ZDHHC11: variants seen among roughly 807,000 people sequenced by gnomAD.
The protein encoded by ZDHHC11 is palmitoyltransferase ZDHHC11.
In ZDHHC11, 44 loss-of-function variants were observed where a neutral mutation model predicts 51.3. The ratio of observed to expected loss-of-function variants is 0.86; its 90% CI spans 0.67 to 1.10. ZDHHC11 has a LOEUF of 1.10. Ranked by LOEUF, ZDHHC11 falls within the 50% of genes least tolerant of loss-of-function variation. The pLI is 0.00. For missense variants in ZDHHC11, 400 were observed against 537.7 expected (o/e 0.74, Z 2.53); for synonymous variants, 163 against 222.0 (o/e 0.73, Z 2.36).
intron 10 of ZDHHC11, chr5:816,816 G>C (rs1740859675): frequency 2.1e-6 from 1 of 476,662 alleles, no homozygotes; most frequent in Non-Finnish European, 4.1e-6. Context: ...GTCTTAAAAG[G>C]TTTGATGGCA....
At chr5:856,576 C>T (rs1748282476) in intron 1 of ZDHHC11, among the ~76,000 whole-genome samples, 1 of 151,032 alleles carries the variant, frequency 6.6e-6, no homozygotes, top group Admixed American at 6.6e-5. Context: ...CACCACACAC[C>T]ACACAAACCA....
chr5:841,704 G>A (rs1745001593), intron 4 of ZDHHC11: 1 of 992,132 alleles, frequency 1.0e-6, no homozygotes, highest in Non-Finnish European at 1.2e-6. Context: ...TCTAAGATAT[G>A]GTCCTCTGTG....
At chr5:834,247 A>G (rs1275452869) in intron 6 of ZDHHC11, among the ~76,000 whole-genome samples, 1 of 152,288 alleles carries the variant, frequency 6.6e-6, no homozygotes, top group Non-Finnish European at 1.5e-5. Context: ...AATGATGTTG[A>G]GCATTTTTTT....
chr5:825,193 CT>C lies in ZDHHC11; in HGVS notation c.993del (p.Val332Ter). The C allele has an allele frequency of 6.2e-7, 1 of 1,612,904 alleles. No homozygotes were observed. Among genetic ancestry groups the C allele is most frequent in the Non-Finnish European group, 8.5e-7 (1 of 1,179,214 alleles). On this transcript the variant is annotated frameshift_variant, in exon 8 of 13. Transcript: ENST00000283441. LOFTEE classifies it high-confidence loss of function. ...GCCGTCGAATCCCCATCCTGGTTTA[CT>C]GAAGTGCAGAAGTGACATAAGTGCT... ...IHKHLCHFCT[S>X]VNQDGDSTAR...
intron 11 of ZDHHC11, among the ~76,000 whole-genome samples, chr5:807,350 T>G (rs991463032): frequency 4.6e-5 from 7 of 150,954 alleles, no homozygotes; most frequent in African/African-American, 1.7e-4. Flanking sequence ...AGGAACAAAA[T>G]TTGAAGGAAA....
chr5:846,781 CGTCT>C, intron 3 of ZDHHC11, among the ~76,000 whole-genome samples: 4 of 145,916 alleles, frequency 2.7e-5, no homozygotes, highest in African/African-American at 7.9e-5. Context: ...AAACACCTCT[CGTCT>C]ATGAGCCTCC....
At chr5:844,968 C>A (rs1420663024) in intron 3 of ZDHHC11, among the ~76,000 whole-genome samples, 1 of 152,302 alleles carries the variant, frequency 6.6e-6, no homozygotes, top group Non-Finnish European at 1.5e-5. Context: ...TATCCTTTAA[C>A]CTCCTTTAAT....
rs1227678946 is a variant in ZDHHC11 at position 837,453 on chromosome 5, T to A, written c.812A>T (p.Tyr271Phe). 2 of 1,609,518 alleles carry A rather than the reference T, an allele frequency of 1.2e-6. No individual in the cohort carries two copies. Among genetic ancestry groups the A allele is most frequent in the Admixed American group, 3.3e-5 (2 of 59,956 alleles). Residue 271 changes from tyrosine to phenylalanine, a missense_variant, in exon 6 of 13, where the codon TAT (tyrosine) becomes TTT (phenylalanine). This residue lies in a region of ZDHHC11 where 231 missense variants were observed against 227.4 expected (regional missense o/e 1.02). Coordinates refer to ENST00000283441, the MANE Select transcript of ZDHHC11 (RefSeq NM_024786.3). The stretch of plus-strand genomic sequence containing the variant: ...CTCTTCTTTGCGGTTATTAATGAGA[T>A]ACTCAAAGGTGGTCATCTTCTTGGC... ...LKAKKMTTFE[Y>F]LINNRKEESS... is the part of the protein sequence containing the mutation.
intron 7 of ZDHHC11, among the ~76,000 whole-genome samples, chr5:828,395 C>T (rs1281707836): frequency 4.0e-5 from 6 of 150,970 alleles, no homozygotes; most frequent in African/African-American, 1.5e-4. Context: ...GACGGGGCGG[C>T]TGGCCGGGTG....
intron 8 of ZDHHC11, among the ~76,000 whole-genome samples, chr5:824,781 A>C (rs532711582): frequency 0.023 from 3,442 of 150,920 alleles, 39 homozygotes; most frequent in African/African-American, 0.077. Context: ...AAAAAAAAAA[A>C]AAAACAGCAC....
At chr5:835,326 G>C (rs1190219477) in intron 6 of ZDHHC11, among the ~76,000 whole-genome samples, 1 of 151,606 alleles carries the variant, frequency 6.6e-6, no homozygotes, top group African/African-American at 2.4e-5. Flanking sequence ...CCTATTTAAT[G>C]ATTTTAGTAC....
chr5:853,154 A>G (rs1187964342), upstream of ZDHHC11, among the ~76,000 whole-genome samples: 2 of 149,058 alleles, frequency 1.3e-5, no homozygotes, highest in African/African-American at 2.5e-5. Context: ...GAGGACAGCG[A>G]GCCAGGGAGA....
At chr5:856,884 TACCACACATACACCAAACCACAC>T (rs1303427881) in intron 1 of ZDHHC11, among the ~76,000 whole-genome samples, 2 of 134,088 alleles carry the variant, frequency 1.5e-5, no homozygotes, top group African/African-American at 5.7e-5. Context: ...ACCCCCAAAA[TACCACACATACACCAAACCACAC>T]ACCACACACA....
upstream of ZDHHC11, among the ~76,000 whole-genome samples, chr5:854,001 A>G (rs1461014762): frequency 6.8e-6 from 1 of 147,264 alleles, no homozygotes; most frequent in African/African-American, 2.6e-5. Context: ...GGGGGCACAG[A>G]TCCCATGGAG....
chr5:817,885 G>C (rs776127340), intron 10 of ZDHHC11, among the ~76,000 whole-genome samples: 2 of 151,406 alleles, frequency 1.3e-5, no homozygotes, highest in Non-Finnish European at 3.0e-5. Flanking sequence ...GGACAACGCT[G>C]TCTGCAGCCC....
rs1742183671 is a variant in ZDHHC11, at chr5:825,285, T to G, written c.936-34A>C. Reference sequence around the variant, plus strand: ...ACAGAAAGGAGGAGAGAAACTCATCTCAGCTTTGTAGGGGGACTCAGGGTG... The same window carrying G: ...ACAGAAAGGAGGAGAGAAACTCATCGCAGCTTTGTAGGGGGACTCAGGGTG... On this transcript the variant is annotated intron_variant, in intron 7 of 12. Coordinates refer to ENST00000283441, the MANE Select transcript of ZDHHC11 (RefSeq NM_024786.3). 4.4e-6 allele frequency: 7 copies of G among 1,603,882 alleles called. 1 individual carries two copies. In the Admixed American group the frequency reaches 8.3e-5, roughly 19 times the overall value.
At chr5:829,876 T>A (rs1170724713) in intron 7 of ZDHHC11, among the ~76,000 whole-genome samples, 1 of 151,108 alleles carries the variant, frequency 6.6e-6, no homozygotes. Context: ...ATAAACAGAA[T>A]TAAAAACAAA....
chr5:797,029 A>ACCCC (rs528197267), intron 12 of ZDHHC11, among the ~76,000 whole-genome samples: 1 of 151,064 alleles, frequency 6.6e-6, no homozygotes, highest in Non-Finnish European at 1.5e-5. Flanking sequence ...AATACAGTGA[A>ACCCC]CCCCCGTCTC....
In ZDHHC11 at chr5:835,933, A is replaced by G. The variant is rs1313178303; in HGVS notation, c.900+1432T>C. On this transcript the variant is annotated intron_variant, in intron 6 of 12. Transcript: ENST00000283441. ...GCGTGTATTTTAATATGTGCCCCAC[A>G]TCCTTGTTAAGTGATTTAATTATCT... Among the ~76,000 whole-genome samples, 3 of 152,066 alleles carry G rather than the reference A, an allele frequency of 2.0e-5. No homozygotes were observed. In the East Asian group the frequency reaches 5.8e-4, roughly 29 times the overall value.
Sources: allele counts gnomAD v4.1 joint callset (sites outside exome capture counted in the v4.1 genomes callset), GRCh38; gene constraint gnomAD v4.1.1; regional missense constraint gnomAD v4.1.1; transcripts MANE v1.5; gene names NCBI Gene and HGNC (gene_info 2026-07-23, HGNC 2026-07-21).